Variants in SIL1 observed in about 807,000 individuals in gnomAD.
The protein encoded by SIL1 is SIL1 nucleotide exchange factor.
A neutral mutation model predicts 49.1 loss-of-function variants in SIL1; 40 were observed. The observed-to-expected ratio is 0.81, with a 90% CI of 0.63 to 1.06. The LOEUF (loss-of-function observed/expected upper bound fraction) is 1.06, where lower values mean the gene tolerates loss of function less well. SIL1 is among the 50% of genes least tolerant of loss of function. SIL1 has a pLI of 0.00. For missense variants in SIL1, 500 were observed against 572.6 expected (o/e 0.87, Z 1.29); for synonymous variants, 253 against 250.8 (o/e 1.01, Z -0.08).
intron 6 of SIL1, among the ~76,000 whole-genome samples, chr5:139,024,793 T>C (rs918172166): frequency 6.6e-6 from 1 of 152,246 alleles, no homozygotes; most frequent in Non-Finnish European, 1.5e-5. Flanking sequence ...CTGCTCAATA[T>C]CCTTCAATAA....
chr5:139,035,812 CT>C (rs1768894765), intron 5 of SIL1: 1 of 167,686 alleles, frequency 6.0e-6, no homozygotes, highest in Non-Finnish European at 1.3e-5. Context: ...CCACGCCCGG[CT>C]AATTTTTTTT....
chr5:139,115,146 G>A (rs554387297), intron 3 of SIL1, among the ~76,000 whole-genome samples: 27 of 152,272 alleles, frequency 1.8e-4, no homozygotes, highest in African/African-American at 6.5e-4. Context: ...AGGGAGGGAG[G>A]GAGGGTCACC....
At chr5:139,063,045 C>G (rs1351094743) in intron 3 of SIL1, among the ~76,000 whole-genome samples, 1 of 152,202 alleles carries the variant, frequency 6.6e-6, no homozygotes, top group Admixed American at 6.5e-5. Context: ...CCATATGAAG[C>G]ACCTGGAGCT....
rs550207261 is a variant in SIL1 at position 139,105,891 on chromosome 5, C to T, written c.244+15144G>A. 5.9e-5 allele frequency among the ~76,000 whole-genome samples: 9 copies of T among 152,372 alleles called. No individual in the cohort carries two copies. In the East Asian group the frequency reaches 1.3e-3, roughly 23 times the overall value. ...CAGAAGCCGGCACAAGGCAATTTCTCTCTGTGCAGGGAAAAGGAGCCGCAA... is the reference window on the plus strand; with the variant it reads ...CAGAAGCCGGCACAAGGCAATTTCTTTCTGTGCAGGGAAAAGGAGCCGCAA... On this transcript the variant is annotated intron_variant, in intron 3 of 9. Transcript: ENST00000394817.
intron 7 of SIL1, among the ~76,000 whole-genome samples, chr5:138,969,037 T>C (rs1767214097): frequency 1.3e-5 from 2 of 152,122 alleles, no homozygotes; most frequent in African/African-American, 4.8e-5. Context: ...AATAACCCCC[T>C]GAGGTCCTCC....
chr5:139,145,729 T>C (rs1751183828), intron 1 of SIL1, among the ~76,000 whole-genome samples: 1 of 149,356 alleles, frequency 6.7e-6, no homozygotes, highest in Admixed American at 6.7e-5. Context: ...GAAGTTCTGA[T>C]ACATGCTACA....
chr5:138,967,170 A>C (rs1267898701), intron 7 of SIL1, among the ~76,000 whole-genome samples: 2 of 152,176 alleles, frequency 1.3e-5, no homozygotes, highest in Non-Finnish European at 2.9e-5. Flanking sequence ...ACTCTGGCTC[A>C]AGGTAAAGGA....
chr5:139,110,413 C>T (rs1390676636), intron 3 of SIL1, among the ~76,000 whole-genome samples: 1 of 152,042 alleles, frequency 6.6e-6, no homozygotes, highest in African/African-American at 2.4e-5. Flanking sequence ...GACTTTTAAT[C>T]CAAAGAAATG....
intron 9 of SIL1, among the ~76,000 whole-genome samples, chr5:138,950,821 A>G (rs1170558551): frequency 1.3e-5 from 2 of 152,118 alleles, no homozygotes; most frequent in Non-Finnish European, 1.5e-5. Flanking sequence ...CATTCGAAGG[A>G]GCTCTGGGCT....
intron 5 of SIL1, among the ~76,000 whole-genome samples, chr5:139,041,831 A>AC (rs1222541379): frequency 1.3e-5 from 2 of 151,974 alleles, no homozygotes; most frequent in East Asian, 3.8e-4. Flanking sequence ...AAAAAAAAAA[A>AC]AACAAAAAAA....
intron 3 of SIL1, among the ~76,000 whole-genome samples, chr5:139,066,187 A>G (rs1277031667): frequency 4.6e-5 from 7 of 152,126 alleles, no homozygotes; most frequent in African/African-American, 1.2e-4. Flanking sequence ...CGAAGTACCA[A>G]TAATACTATC....
chr5:138,946,858 G>C lies in SIL1; in HGVS notation c.*259C>G. On this transcript the variant is annotated 3_prime_UTR_variant, in exon 10 of 10. Transcript: ENST00000394817. ...TTGCAACTCCTGGGCCCAGGTTCCTGCCCTGGAGCCTGTTCCTGGATGCCC... is the reference window on the plus strand; with the variant it reads ...TTGCAACTCCTGGGCCCAGGTTCCTCCCCTGGAGCCTGTTCCTGGATGCCC... 3.7e-6 allele frequency: 2 copies of C among 541,158 alleles called. No individual in the cohort carries two copies. The highest frequency in any genetic ancestry group is 6.7e-6 in the Non-Finnish European group (2 of 298,458). The allele number at this position is 541,158 out of a possible 1,614,324, so 33.5% of individuals were successfully genotyped here.
intron 4 of SIL1, among the ~76,000 whole-genome samples, chr5:139,050,272 C>T (rs1769258017): frequency 6.6e-6 from 1 of 152,204 alleles, no homozygotes; most frequent in East Asian, 1.9e-4. Flanking sequence ...TCAAAATGCA[C>T]AATTTCAGCA....
intron 1 of SIL1, among the ~76,000 whole-genome samples, chr5:139,150,059 G>T (rs927455900): frequency 6.6e-6 from 1 of 152,214 alleles, no homozygotes; most frequent in Non-Finnish European, 1.5e-5. Context: ...ATTCCTGGCA[G>T]CTCAGTGGTT....
At chr5:139,050,600 C>T (rs1159748594) in intron 4 of SIL1, among the ~76,000 whole-genome samples, 1 of 152,166 alleles carries the variant, frequency 6.6e-6, no homozygotes, top group Non-Finnish European at 1.5e-5. Flanking sequence ...CCTAACAGGC[C>T]TGTTTTAATG....
intron 6 of SIL1, 79 bp downstream of exon 6, chr5:139,026,722 A>G (rs1399010375): frequency 1.0e-5 from 13 of 1,291,344 alleles, no homozygotes; most frequent in African/African-American, 1.5e-5. Flanking sequence ...TGTTGATGCT[A>G]TTTTCTTAGG....
At chr5:138,977,565 T>G (rs1464929929) in intron 7 of SIL1, among the ~76,000 whole-genome samples, 3 of 152,000 alleles carry the variant, frequency 2.0e-5, no homozygotes, top group African/African-American at 7.3e-5. Flanking sequence ...AGCCTCAAAC[T>G]CTTGGACTCA....
At chr5:139,086,181 G>A (rs765154901) in intron 3 of SIL1, among the ~76,000 whole-genome samples, 4 of 150,640 alleles carry the variant, frequency 2.7e-5, no homozygotes, top group South Asian at 2.1e-4. Flanking sequence ...GTTGAGGCAG[G>A]AGGATCCCTT....
At chr5:138,984,664 T>C (rs1001754061) in intron 7 of SIL1, among the ~76,000 whole-genome samples, 13 of 152,174 alleles carry the variant, frequency 8.5e-5, no homozygotes, top group Admixed American at 7.9e-4. Flanking sequence ...CAGCCTCTTA[T>C]GCATTCTTGA....
Sources: gnomAD v4.1 joint callset for allele counts (sites outside exome capture counted in the v4.1 genomes callset) on GRCh38, gnomAD v4.1.1 for gene constraint, MANE v1.5 for transcripts, NCBI Gene and HGNC (gene_info 2026-07-23, HGNC 2026-07-21) for gene names.